Variants in MRI1 observed in about 807,000 individuals in gnomAD.
MRI1 encodes methylthioribose-1-phosphate isomerase 1.
A neutral mutation model predicts 27.3 loss-of-function variants in MRI1; 32 were observed. The observed-to-expected ratio is 1.17, with a 90% CI of 0.88 to 1.57. The LOEUF (loss-of-function observed/expected upper bound fraction) is 1.57. MRI1 is among the 40% of genes most tolerant of loss of function. The pLI, the probability that MRI1 is intolerant of heterozygous loss-of-function variation, is 0.00. For synonymous variants in MRI1, 216 were observed against 227.4 expected, an observed-to-expected ratio of 0.95 and a Z score of 0.45; for missense variants, 508 against 516.1, an observed-to-expected ratio of 0.98 and a Z score of 0.15.
In MRI1 at chr19:13,766,489, G is replaced by A. The variant is rs529851837; in HGVS notation, c.547+360G>A. Among the ~76,000 whole-genome samples the A allele has an allele frequency of 5.3e-5, 8 of 152,274 alleles. No individual in the cohort carries two copies. In the East Asian group the frequency reaches 5.8e-4, roughly 11 times the overall value. On this transcript the variant is annotated intron_variant, in intron 3 of 5. Transcript: ENST00000040663. ...CCTGCCCATCCCAGAGCAGTCATTC[G>A]ATGGGCCCCGCCTGAGCCATATGCC...
rs1387746667 is a variant in MRI1 at position 13,773,461 on chromosome 19, T to C, written c.*1180T>C. ...GGGTAACATAGGAAGAGCTTGTCTC[T>C]ACAAACAAAAATTTAAAAACAATGA... On this transcript the variant is annotated 3_prime_UTR_variant, in exon 6 of 6. Transcript: ENST00000040663. 6.6e-6 allele frequency: 1 copy of C among 152,086 alleles called. No individual in the cohort carries two copies. The highest frequency in any genetic ancestry group is 1.5e-5 in the Non-Finnish European group (1 of 68,014). 9.4% of individuals were successfully genotyped at this position (152,086 alleles called of 1,614,324 possible).
intron 3 of MRI1, among the ~76,000 whole-genome samples, chr19:13,767,641 C>CAAA (rs112485118): frequency 0.46 from 69,799 of 150,784 alleles, 16,376 homozygotes; most frequent in East Asian, 0.65. Context: ...CCCATCTCTA[C>CAAA]AAAAAATACT....
chr19:13,769,486 G>A (rs773239653), intron 5 of MRI1, among the ~76,000 whole-genome samples: 10 of 152,034 alleles, frequency 6.6e-5, no homozygotes, highest in Admixed American at 2.0e-4. Context: ...CTTCTAACAG[G>A]TGCATCCTGG....
chr19:13,765,999 C>A lies in MRI1; in HGVS notation c.417C>A (p.Asp139Glu), dbSNP rs543064596. ...TEDMLEKDLRDNRSIGDLGAR... is the reference protein window; with the variant it reads ...TEDMLEKDLRENRSIGDLGAR... ...ACATGCTGGAGAAAGACCTCAGAGA[C>A]AACCGAAGCATTGGGGACCTAGGAG... Residue 139 changes from aspartate (D) to glutamate (E), a missense_variant, in exon 3 of 6, where the codon GAC (aspartate) becomes GAA (glutamate). By Grantham distance (45) the Asp-to-Glu change is conservative. Around this residue, in one of 3 missense-constraint regions of MRI1, gnomAD observed 457 missense variants for 452.8 expected, o/e 1.01. Coordinates refer to ENST00000040663, the MANE Select transcript of MRI1 (RefSeq NM_001031727.4). 35 of 1,612,416 alleles carry A rather than the reference C, an allele frequency of 2.2e-5. No homozygotes were observed. The South Asian group carries it at 3.2e-4, about 15-fold the overall frequency.
intron 5 of MRI1, among the ~76,000 whole-genome samples, chr19:13,771,687 C>A (rs1345658448): frequency 6.6e-6 from 1 of 151,958 alleles, no homozygotes; most frequent in African/African-American, 2.4e-5. Flanking sequence ...CATGGAAAAA[C>A]CTCGTCTCTA....
intron 3 of MRI1, chr19:13,768,297 G>T: frequency 2.4e-6 from 2 of 822,828 alleles, no homozygotes; most frequent in Non-Finnish European, 4.1e-6. Context: ...GAAAGTGTGG[G>T]GATTGCTATG....
At chr19:13,765,898 G>T in intron 2 of MRI1, 56 bp from the exon 3 acceptor site, 12 of 1,535,082 alleles carry the variant, frequency 7.8e-6, no homozygotes, top group Non-Finnish European at 1.1e-5. Flanking sequence ...GAGAGGAGGC[G>T]TTGGCCTGGG....
chr19:13,772,412 T>C lies in MRI1; in HGVS notation c.*131T>C. 1.2e-6 allele frequency: 1 copy of C among 838,404 alleles called. No individual in the cohort carries two copies. Among genetic ancestry groups the C allele is most frequent in the South Asian group, 1.9e-5 (1 of 51,292 alleles). The allele number at this position is 838,404 out of a possible 1,614,324, so 51.9% of individuals were successfully genotyped here. On this transcript the variant is annotated 3_prime_UTR_variant, in exon 6 of 6. Transcript: ENST00000040663. ...CAGGGAGCTCAGACAGGGCCTTCCA[T>C]CTAGAGCCCAGCACCTAGAGCCAGG...
rs758079638 is a variant in MRI1, at chr19:13,766,078, A to G, written c.496A>G (p.Thr166Ala). ...APSGGKVTVL[T>A]HCNTGALATA... ...CAGCGGTGGCAAGGTGACTGTGCTG[A>G]CCCACTGTAACACTGGTGCTCTGGC... Residue 166 changes from threonine (T) to alanine (A), a missense_variant, in exon 3 of 6, where the codon ACC (threonine) becomes GCC (alanine). Thr to Ala is a moderately conservative substitution (Grantham distance 58, BLOSUM62 0). Coordinates refer to ENST00000040663, the MANE Select transcript of MRI1 (RefSeq NM_001031727.4). The G allele has an allele frequency of 3.1e-6, 5 of 1,612,236 alleles. No individual in the cohort carries two copies. Among genetic ancestry groups the G allele is most frequent in the African/African-American group, 1.3e-5 (1 of 75,006 alleles).
intron 2 of MRI1, 67 bp downstream of exon 2, chr19:13,765,176 A>AC: frequency 1.6e-6 from 2 of 1,265,982 alleles, no homozygotes; most frequent in Non-Finnish European, 2.1e-6. Context: ...AAGTACAGTG[A>AC]CCCACTATAC....
At chr19:13,767,384 A>T (rs1202145774) in intron 3 of MRI1, among the ~76,000 whole-genome samples, 1 of 152,020 alleles carries the variant, frequency 6.6e-6, no homozygotes, top group African/African-American at 2.4e-5. Flanking sequence ...ATTGCATATC[A>T]TAGCTAGTCC....
At chr19:13,768,438 A>T (rs991968548) in intron 3 of MRI1, 123 bp from the exon 4 acceptor site, 9 of 1,557,532 alleles carry the variant, frequency 5.8e-6, no homozygotes, top group African/African-American at 2.7e-5. Flanking sequence ...CCTGGGCGGG[A>T]CTGTGCTCGG....
Position 13,764,601 on chromosome 19 carries a change from G to C in MRI1, c.13G>C (p.Ala5Pro). Residue 5 changes from alanine to proline, a missense_variant, in exon 1 of 6, where the codon GCG becomes CCG. Ala to Pro is a conservative substitution (Grantham distance 27). Coordinates refer to ENST00000040663, the MANE Select transcript of MRI1 (RefSeq NM_001031727.4). MTLEAIRYSRGSLQI... is the reference protein window; with the variant it reads MTLEPIRYSRGSLQI... Reference sequence around the variant, plus strand: ...TGGCTGCTGCACCATGACCCTGGAGGCGATCCGCTACTCGCGGGGCTCCCT... The same window carrying C: ...TGGCTGCTGCACCATGACCCTGGAGCCGATCCGCTACTCGCGGGGCTCCCT... 4 of 1,609,250 alleles carry C rather than the reference G, an allele frequency of 2.5e-6. No individual in the cohort carries two copies. Among genetic ancestry groups the C allele is most frequent in the Non-Finnish European group, 2.5e-6 (3 of 1,179,138 alleles).
Position 13,764,876 on chromosome 19 carries a change from G to T in MRI1, c.138G>T (p.Arg46=). 1 of 1,354,092 alleles carries T rather than the reference G, an allele frequency of 7.4e-7. No individual in the cohort carries two copies. The highest frequency in any genetic ancestry group is 9.5e-7 in the Non-Finnish European group (1 of 1,056,996). The allele number at this position is 1,354,092 out of a possible 1,614,324, so 83.9% of individuals were successfully genotyped here. ...CCCAAATCCCTGCCCCGCAGGTGCG[G>T]GGCGCCCCGGCCATAGCCCTGGTGG... The part of the protein sequence containing the change: ...AWEAIRAMKV[R]GAPAIALVGC... Residue 46 remains arginine, a synonymous_variant, in exon 2 of 6, where the codon CGG becomes CGT. Coordinates refer to ENST00000040663, the MANE Select transcript of MRI1 (RefSeq NM_001031727.4).
At chr19:13,768,309 A>G in intron 3 of MRI1, 2 of 929,660 alleles carry the variant, frequency 2.2e-6, no homozygotes, top group Non-Finnish European at 3.4e-6. Context: ...ATTGCTATGC[A>G]AAACTGATAT....
rs1443155867 is a variant in MRI1 at position 13,765,065 on chromosome 19, G to A, written c.327G>A (p.Arg109=). 13 of 1,525,184 alleles carry A rather than the reference G, an allele frequency of 8.5e-6. No individual in the cohort carries two copies. The highest frequency in any genetic ancestry group is 1.1e-5 in the Non-Finnish European group (13 of 1,141,326). 94.5% of individuals were successfully genotyped at this position (1,525,184 alleles called of 1,614,324 possible). The change falls in exon 2 of 6, where the codon CGG becomes CGA. Residue 109 remains arginine, a synonymous_variant. Coordinates refer to ENST00000040663, the MANE Select transcript of MRI1 (RefSeq NM_001031727.4). ...GCGACCTGGCTGATGTTGCAGCCCG[G>A]GAGGCCGAACGGGAGGGCGCTACGG... The part of the protein sequence containing the change: ...AARDLADVAA[R]EAEREGATEE...
In MRI1 at chr19:13,774,187, C is replaced by A; in HGVS notation, c.*1906C>A. 1 of 360,872 alleles carries A rather than the reference C, an allele frequency of 2.8e-6. No individual in the cohort carries two copies. The highest frequency in any genetic ancestry group is 4.1e-5 in the Admixed American group (1 of 24,356). 22.4% of individuals were successfully genotyped at this position (360,872 alleles called of 1,614,324 possible). A position where few individuals can be genotyped will look rare whatever the true frequency, so the allele number is the denominator to read the frequency against. ...CTGTACCAGAGGTGAGTGCCACACC[C>A]TAACCTAGTCTGAGTTTTTATGTGT... On this transcript the variant is annotated 3_prime_UTR_variant, in exon 6 of 6. Coordinates refer to ENST00000040663, the MANE Select transcript of MRI1 (RefSeq NM_001031727.4).
In MRI1 at chr19:13,766,094, G is replaced by A. The variant is rs945139828; in HGVS notation, c.512G>A (p.Gly171Asp). The A allele has an allele frequency of 1.9e-6, 3 of 1,606,794 alleles. No individual in the cohort carries two copies. Among genetic ancestry groups the A allele is most frequent in the East Asian group, 4.5e-5 (2 of 44,674 alleles). ...KVTVLTHCNTGALATAGYGTA... is the reference protein window; with the variant it reads ...KVTVLTHCNTDALATAGYGTA... ...ACTGTGCTGACCCACTGTAACACTG[G>A]TGCTCTGGCCACCGCTGGCTATGGT... The change falls in exon 3 of 6, where the codon GGT becomes GAT. Residue 171 changes from glycine to aspartate, a missense_variant. Around this residue, in one of 3 missense-constraint regions of MRI1, gnomAD observed 457 missense variants for 452.8 expected, o/e 1.01. Transcript: ENST00000040663.
chr19:13,767,031 ATATATATTTTTTTTTTTTT>A (rs1218113701), intron 3 of MRI1, among the ~76,000 whole-genome samples: 1,231 of 28,794 alleles, frequency 0.043, 16 homozygotes, highest in East Asian at 0.1. Context: ...ATATATATAT[ATATATATTTTTTTTTTTTT>A]TTTTTTTTTT....
Sources: allele counts gnomAD v4.1 joint callset (sites outside exome capture counted in the v4.1 genomes callset), GRCh38; gene constraint gnomAD v4.1.1; regional missense constraint gnomAD v4.1.1; transcripts MANE v1.5; gene names NCBI Gene and HGNC (gene_info 2026-07-23, HGNC 2026-07-21).